The following ABCC4 variants were observed in gnomAD, a reference collection of about 807,000 sequenced individuals.
ABCC4 encodes ATP-binding cassette sub-family C member 4.
In ABCC4, 102 loss-of-function variants were observed where a neutral mutation model predicts 168.5. That is an observed-to-expected ratio of 0.61 (90% CI 0.52 to 0.71). The LOEUF (loss-of-function observed/expected upper bound fraction) is 0.71. Ranked by LOEUF, ABCC4 falls within the 30% of genes least tolerant of loss-of-function variation. ABCC4 has a pLI of 0.00. For synonymous variants in ABCC4, 617 were observed against 590.7 expected (o/e 1.04, Z -0.65); for missense variants, 1,402 against 1,605.8 (o/e 0.87, Z 2.17).
At chr13:95,125,531 A>AAATG (rs3837534) in intron 19 of ABCC4, among the ~76,000 whole-genome samples, 134 of 151,496 alleles carry the variant, frequency 8.8e-4, no homozygotes, top group African/African-American at 2.4e-3. Flanking sequence ...ACAAGTAAAT[A>AAATG]AATGAATGAA....
intron 4 of ABCC4, among the ~76,000 whole-genome samples, chr13:95,229,378 G>C (rs2039553995): frequency 6.6e-6 from 1 of 152,152 alleles, no homozygotes; most frequent in Non-Finnish European, 1.5e-5. Flanking sequence ...AGAAAGTGAA[G>C]ACGAGCAGTT....
intron 13 of ABCC4, 53 bp from the exon 14 acceptor site, chr13:95,170,681 A>G (rs1388413724): frequency 1.9e-6 from 2 of 1,059,278 alleles, no homozygotes; most frequent in African/African-American, 3.2e-5. Context: ...GGTGCTCCAC[A>G]TTGAAAAACA....
chr13:95,105,671 A>G (rs1259569702), intron 20 of ABCC4, among the ~76,000 whole-genome samples: 1 of 152,174 alleles, frequency 6.6e-6, no homozygotes, highest in Non-Finnish European at 1.5e-5. Context: ...AAGTATGGTG[A>G]CTAAGCCTAG....
chr13:95,253,182 A>G (rs1295979836), intron 1 of ABCC4, among the ~76,000 whole-genome samples: 1 of 152,196 alleles, frequency 6.6e-6, no homozygotes, highest in African/African-American at 2.4e-5. Flanking sequence ...GGCTTTCTCC[A>G]AAACAGCTCC....
chr13:95,062,693 G>A lies in ABCC4; in HGVS notation c.3366+11C>T. 1 of 1,612,074 alleles carries A rather than the reference G, an allele frequency of 6.2e-7. No homozygotes were observed. Among genetic ancestry groups the A allele is most frequent in the Non-Finnish European group, 8.5e-7 (1 of 1,178,888 alleles). ...TAAAAGGGGCAGGTAAGGACGCTATGACTTGCATACCTGAGGTATGATTGA... is the reference window on the plus strand; with the variant it reads ...TAAAAGGGGCAGGTAAGGACGCTATAACTTGCATACCTGAGGTATGATTGA... On this transcript the variant is annotated intron_variant, in intron 26 of 30. Coordinates refer to ENST00000645237, the MANE Select transcript of ABCC4 (RefSeq NM_005845.5).
Position 95,234,476 on chromosome 13 carries a change from G to T in ABCC4, c.531+134C>A. On this transcript the variant is annotated intron_variant, in intron 4 of 30. Coordinates refer to ENST00000645237, the MANE Select transcript of ABCC4 (RefSeq NM_005845.5). ...AGTTTTCTTCGTTTTTCTTTTTTTA[G>T]AGACAGGGTCTTGCTCTGTCACCCA... 3 of 640,510 alleles carry T rather than the reference G, an allele frequency of 4.7e-6. No individual in the cohort carries two copies. The South Asian group carries it at 7.7e-5, about 17-fold the overall frequency. The allele number at this position is 640,510 out of a possible 1,614,324, so 39.7% of individuals were successfully genotyped here. A position where few individuals can be genotyped will look rare whatever the true frequency, so the allele number is the denominator to read the frequency against.
At chr13:95,137,032 G>A (rs894100436) in intron 19 of ABCC4, among the ~76,000 whole-genome samples, 16 of 152,334 alleles carry the variant, frequency 1.1e-4, no homozygotes, top group Admixed American at 2.6e-4. Flanking sequence ...AATCACAGAT[G>A]GTAGGCATAA....
intron 25 of ABCC4, among the ~76,000 whole-genome samples, chr13:95,064,238 A>C (rs902072773): frequency 7.5e-6 from 1 of 133,866 alleles, no homozygotes; most frequent in Admixed American, 8.1e-5. Context: ...GCACATAGGT[A>C]CATCCGGGTG....
chr13:95,203,824 C>A (rs376795146), intron 8 of ABCC4, among the ~76,000 whole-genome samples: 1 of 152,132 alleles, frequency 6.6e-6, no homozygotes, highest in Admixed American at 6.5e-5. Flanking sequence ...GACCCTCACA[C>A]CCCCCTTGAA....
intron 19 of ABCC4, among the ~76,000 whole-genome samples, chr13:95,119,395 G>C (rs1446363579): frequency 2.0e-5 from 3 of 151,908 alleles, no homozygotes; most frequent in African/African-American, 4.8e-5. Flanking sequence ...GTCTGAAAAG[G>C]GTCTATATTA....
At chr13:95,259,910 T>C (rs2040489408) in intron 1 of ABCC4, among the ~76,000 whole-genome samples, 1 of 151,124 alleles carries the variant, frequency 6.6e-6, no homozygotes, top group South Asian at 2.1e-4. Flanking sequence ...GCACAGACTC[T>C]ACTTCTGGGC....
In ABCC4 at chr13:95,218,917, GAGAAAGAA is replaced by G. The variant is rs1164936858; in HGVS notation, c.532-8144_532-8137del. On this transcript the variant is annotated intron_variant, in intron 4 of 30. Transcript: ENST00000645237. Reference sequence around the variant, plus strand: ...TGAGAGAGAGAGAAAGAGAGAGAGAGAGAAAGAAAGAGAAAGAAAGAAAGAAAGAAAGA... The same window carrying G: ...TGAGAGAGAGAGAAAGAGAGAGAGAGAGAGAAAGAAAGAAAGAAAGAAAGA... Among the ~76,000 whole-genome samples the G allele has an allele frequency of 5.3e-4, 19 of 36,074 alleles. 2 individuals are homozygous for G. The highest frequency in any genetic ancestry group is 1.8e-3 in the African/African-American group (15 of 8,210). The allele number at this position is 36,074 out of a possible 152,430, so 23.7% of individuals were successfully genotyped here. A position where few individuals can be genotyped will look rare whatever the true frequency, so the allele number is the denominator to read the frequency against.
chr13:95,031,478 A>G (rs1169127305), intron 30 of ABCC4, among the ~76,000 whole-genome samples: 1 of 152,264 alleles, frequency 6.6e-6, no homozygotes, highest in Non-Finnish European at 1.5e-5. Flanking sequence ...ATGAAGACAC[A>G]TGACCCAACA....
At chr13:95,186,652 T>C in intron 11 of ABCC4, 49 bp downstream of exon 11, 1 of 1,530,994 alleles carries the variant, frequency 6.5e-7, no homozygotes. Context: ...AAGTGAACAC[T>C]AGTATTACTG....
At chr13:95,265,939 G>A (rs1197931796) in intron 1 of ABCC4, among the ~76,000 whole-genome samples, 1 of 152,188 alleles carries the variant, frequency 6.6e-6, no homozygotes, top group East Asian at 1.9e-4. Context: ...AGGTCGGGCT[G>A]TATCTGTCCC....
At chr13:95,160,412 G>A (rs2037055398) in intron 19 of ABCC4, among the ~76,000 whole-genome samples, 1 of 152,120 alleles carries the variant, frequency 6.6e-6, no homozygotes, top group Non-Finnish European at 1.5e-5. Context: ...TTCTCCCTAG[G>A]AACCCAGGTC....
intron 30 of ABCC4, among the ~76,000 whole-genome samples, chr13:95,029,700 C>G (rs2031774140): frequency 6.6e-6 from 1 of 152,194 alleles, no homozygotes; most frequent in East Asian, 1.9e-4. Flanking sequence ...GTTCAGTCTA[C>G]AGTCTTAAAA....
chr13:95,052,049 C>G (rs1004356160), intron 27 of ABCC4, among the ~76,000 whole-genome samples: 1 of 148,458 alleles, frequency 6.7e-6, no homozygotes, highest in African/African-American at 2.5e-5. Flanking sequence ...GGCACGATCT[C>G]GGCTCACTGC....
intron 19 of ABCC4, among the ~76,000 whole-genome samples, chr13:95,133,646 C>T (rs2036049314): frequency 6.6e-6 from 1 of 152,056 alleles, no homozygotes; most frequent in Admixed American, 6.6e-5. Flanking sequence ...GAGTCCCCTC[C>T]CACCTCCAAC....
Sources: allele counts gnomAD v4.1 joint callset (sites outside exome capture counted in the v4.1 genomes callset), GRCh38; gene constraint gnomAD v4.1.1; transcripts MANE v1.5; gene names NCBI Gene and HGNC (gene_info 2026-07-23, HGNC 2026-07-21).